RTKN2: variants seen among roughly 807,000 people sequenced by gnomAD.
The protein encoded by RTKN2 is rhotekin 2.
In RTKN2, 69 loss-of-function variants were observed where a neutral mutation model predicts 71.5. The observed-to-expected ratio is 0.96, with a 90% CI of 0.79 to 1.18. The LOEUF (loss-of-function observed/expected upper bound fraction) is 1.18. Ranked by LOEUF, RTKN2 falls within the 50% of genes most tolerant of loss-of-function variation. The pLI, the probability that RTKN2 is intolerant of heterozygous loss-of-function variation, is 0.00. For missense variants in RTKN2, 724 were observed against 719.7 expected (o/e 1.01, Z -0.07); for synonymous variants, 236 against 236.5 (o/e 1.00, Z 0.02).
intron 6 of RTKN2, among the ~76,000 whole-genome samples, chr10:62,231,550 CA>C (rs979774955): frequency 6.6e-6 from 1 of 152,172 alleles, no homozygotes; most frequent in Non-Finnish European, 1.5e-5. Context: ...GTCAGGATAA[CA>C]TTTTCTTTCT....
At chr10:62,266,771 T>C (rs1842876290) in intron 1 of RTKN2, among the ~76,000 whole-genome samples, 1 of 152,228 alleles carries the variant, frequency 6.6e-6, no homozygotes, top group South Asian at 2.1e-4. Flanking sequence ...ATAAGTACTT[T>C]AGAGAGGTTC....
chr10:62,261,850 A>G (rs904163825), intron 2 of RTKN2, among the ~76,000 whole-genome samples: 1 of 152,160 alleles, frequency 6.6e-6, no homozygotes, highest in African/African-American at 2.4e-5. Flanking sequence ...ACTATTGTCT[A>G]ACAAGAAACT....
intron 5 of RTKN2, chr10:62,239,084 G>A (rs1318153111): frequency 6.6e-6 from 1 of 151,878 alleles, no homozygotes; most frequent in Non-Finnish European, 1.5e-5. Context: ...AAAGAGCAGG[G>A]ACAATAAAAA....
At chr10:62,184,935 C>G (rs1490032888) in intron 8 of RTKN2, among the ~76,000 whole-genome samples, 2 of 152,126 alleles carry the variant, frequency 1.3e-5, no homozygotes, top group African/African-American at 4.8e-5. Flanking sequence ...AGAAATCTTA[C>G]CATTCACTGG....
intron 7 of RTKN2, 34 bp from the exon 8 acceptor site, chr10:62,218,335 TTATAAA>T (rs1841825326): frequency 3.7e-6 from 5 of 1,362,028 alleles, no homozygotes; most frequent in Non-Finnish European, 5.2e-6. Flanking sequence ...AAAAATCAAG[TTATAAA>T]TATAAGTTTA....
At chr10:62,248,207 A>G (rs938719645) in intron 2 of RTKN2, among the ~76,000 whole-genome samples, 1 of 152,158 alleles carries the variant, frequency 6.6e-6, no homozygotes, top group Admixed American at 6.5e-5. Context: ...ATATAAATTC[A>G]ATTAACCATA....
chr10:62,233,391 TATA>T (rs1254315124), intron 6 of RTKN2, among the ~76,000 whole-genome samples: 2 of 152,268 alleles, frequency 1.3e-5, no homozygotes, highest in African/African-American at 4.8e-5. Flanking sequence ...AAATCCTTGA[TATA>T]ATATTAATGC....
chr10:62,237,800 G>A (rs1394636952), intron 5 of RTKN2, among the ~76,000 whole-genome samples: 1 of 151,290 alleles, frequency 6.6e-6, no homozygotes. Flanking sequence ...GAGAATGGGT[G>A]CTGTCTGGGT....
rs771753333 is a variant in RTKN2 at position 62,197,512 on chromosome 10, G to A, written c.*396C>T. On this transcript the variant is annotated 3_prime_UTR_variant, in exon 12 of 12. Transcript: ENST00000373789. ...ATAAAACCTTTGAAACATTCCATTAGTATTAAAATTCTCACAATGAGAATA... is the reference window on the plus strand; with the variant it reads ...ATAAAACCTTTGAAACATTCCATTAATATTAAAATTCTCACAATGAGAATA... 10 of 990,196 alleles carry A rather than the reference G, an allele frequency of 1.0e-5. No individual in the cohort carries two copies. Among genetic ancestry groups the A allele is most frequent in the Non-Finnish European group, 1.2e-5 (10 of 832,490 alleles). The allele number at this position is 990,196 out of a possible 1,614,324, so 61.3% of individuals were successfully genotyped here.
chr10:62,233,110 T>A (rs914550625), intron 6 of RTKN2, among the ~76,000 whole-genome samples: 5 of 152,210 alleles, frequency 3.3e-5, no homozygotes, highest in Admixed American at 2.0e-4. Flanking sequence ...TGATTGTGTA[T>A]GAACATCTTT....
At chr10:62,199,691 G>T in intron 11 of RTKN2, 63 bp downstream of exon 11, 1 of 937,756 alleles carries the variant, frequency 1.1e-6, no homozygotes, top group Non-Finnish European at 1.7e-6. Flanking sequence ...AGAATAAGCT[G>T]CTTCAGTATG....
chr10:62,194,820 TA>T lies in RTKN2; in HGVS notation c.*3087del. ...TCCATTTTTAATAAATAGTAGCAGGTAAAATGCATTTAGTAAGATCCCAAAG... is the reference window on the plus strand; with the variant it reads ...TCCATTTTTAATAAATAGTAGCAGGTAAATGCATTTAGTAAGATCCCAAAG... On this transcript the variant is annotated 3_prime_UTR_variant, in exon 12 of 12. Coordinates refer to ENST00000373789, the MANE Select transcript of RTKN2 (RefSeq NM_145307.4). 1.0e-6 allele frequency: 1 copy of T among 985,266 alleles called. No homozygotes were observed. The highest frequency in any genetic ancestry group is 1.7e-5 in the African/African-American group (1 of 57,364). 61.0% of individuals were successfully genotyped at this position (985,266 alleles called of 1,614,324 possible).
In RTKN2 at chr10:62,195,634, GGAAGGAAGGAAGGAAGGAAGGA is replaced by G. The variant is rs1841313553; in HGVS notation, c.*2252_*2273del. 1 of 417,542 alleles carries G rather than the reference GGAAGGAAGGAAGGAAGGAAGGA, an allele frequency of 2.4e-6. No homozygotes were observed. Among genetic ancestry groups the G allele is most frequent in the African/African-American group, 2.6e-5 (1 of 38,730 alleles). The allele number at this position is 417,542 out of a possible 1,614,324, so 25.9% of individuals were successfully genotyped here. A position where few individuals can be genotyped will look rare whatever the true frequency, so the allele number is the denominator to read the frequency against. On this transcript the variant is annotated 3_prime_UTR_variant, in exon 12 of 12. Transcript: ENST00000373789. ...AGGAAGGAAGGAAGGAAGGAAGGAA[GGAAGGAAGGAAGGAAGGAAGGA>G]AGGAAGGAAGGAAGGAAACCAACTC...
intron 2 of RTKN2, among the ~76,000 whole-genome samples, chr10:62,259,798 C>A (rs1589386380): frequency 6.6e-6 from 1 of 152,116 alleles, no homozygotes; most frequent in Non-Finnish European, 1.5e-5. Flanking sequence ...GCAATCTGAC[C>A]ACCTTGGCCT....
chr10:62,218,111 A>C, intron 8 of RTKN2, 84 bp downstream of exon 8: 1 of 827,948 alleles, frequency 1.2e-6, no homozygotes, highest in Non-Finnish European at 2.0e-6. Context: ...AATACTTCTC[A>C]ATATCAGAAG....
Position 62,194,819 on chromosome 10 carries a change from G to C in RTKN2, c.*3089C>G, listed in dbSNP as rs1335916389. 1 of 985,020 alleles carries C rather than the reference G, an allele frequency of 1.0e-6. No individual in the cohort carries two copies. Among genetic ancestry groups the C allele is most frequent in the East Asian group, 1.1e-4 (1 of 8,824 alleles). 61.0% of individuals were successfully genotyped at this position (985,020 alleles called of 1,614,324 possible). ...TTCCATTTTTAATAAATAGTAGCAG[G>C]TAAAATGCATTTAGTAAGATCCCAA... On this transcript the variant is annotated 3_prime_UTR_variant, in exon 12 of 12. Coordinates refer to ENST00000373789, the MANE Select transcript of RTKN2 (RefSeq NM_145307.4).
At chr10:62,213,807 T>G (rs1273231008) in intron 9 of RTKN2, among the ~76,000 whole-genome samples, 1 of 152,162 alleles carries the variant, frequency 6.6e-6, no homozygotes, top group East Asian at 1.9e-4. Flanking sequence ...CAGTATGGTT[T>G]TTTTTGTTTC....
At chr10:62,200,085 C>T (rs985246841) in intron 10 of RTKN2, among the ~76,000 whole-genome samples, 4 of 151,962 alleles carry the variant, frequency 2.6e-5, no homozygotes, top group East Asian at 1.9e-4. Flanking sequence ...AAAGTTTGGC[C>T]GGGCACGGTG....
intron 6 of RTKN2, among the ~76,000 whole-genome samples, chr10:62,226,763 T>A (rs1012166469): frequency 1.3e-5 from 2 of 152,094 alleles, no homozygotes; most frequent in African/African-American, 4.8e-5. Flanking sequence ...ACATAATGAA[T>A]CCCCAAAAAG....
Sources: gnomAD v4.1 joint callset for allele counts (sites outside exome capture counted in the v4.1 genomes callset) on GRCh38, gnomAD v4.1.1 for gene constraint, MANE v1.5 for transcripts, NCBI Gene and HGNC (gene_info 2026-07-23, HGNC 2026-07-21) for gene names.